Variants in MGRN1 observed in about 807,000 individuals in gnomAD.
MGRN1 encodes E3 ubiquitin-protein ligase MGRN1.
In MGRN1, 29 loss-of-function variants were observed where a neutral mutation model predicts 69.2. The observed-to-expected ratio is 0.42, with a 90% CI of 0.31 to 0.57. MGRN1 has a LOEUF of 0.57. Among genes scored for constraint, MGRN1 ranks in the 20% least tolerant of loss-of-function variants. The pLI, the probability that MGRN1 is intolerant of heterozygous loss-of-function variation, is 0.15. For synonymous variants in MGRN1, 470 were observed against 344.2 expected, an observed-to-expected ratio of 1.37 and a Z score of -4.04; for missense variants, 998 against 796.2, an observed-to-expected ratio of 1.25 and a Z score of -3.05.
chr16:4,640,862 G>A lies in MGRN1; in HGVS notation c.89-9503G>A, dbSNP rs374352232. Among the ~76,000 whole-genome samples the A allele has an allele frequency of 3.9e-5, 6 of 152,354 alleles. No homozygotes were observed. The East Asian group carries it at 9.6e-4, about 24-fold the overall frequency. On this transcript the variant is annotated intron_variant, in intron 1 of 16. Coordinates refer to ENST00000262370, the MANE Select transcript of MGRN1 (RefSeq NM_015246.4). ...TGAGAAACAAGTGGGCTCTGGAGTC[G>A]GGGTGTGCGCCCCAGCTCCACCGCT...
At chr16:4,648,531 C>T (rs1398929183) in intron 1 of MGRN1, among the ~76,000 whole-genome samples, 2 of 126,818 alleles carry the variant, frequency 1.6e-5, no homozygotes, top group Non-Finnish European at 3.2e-5. Context: ...GGGGCTCTTC[C>T]CGTGGTCACC....
At chr16:4,660,963 C>G (rs551786166) in intron 5 of MGRN1, among the ~76,000 whole-genome samples, 3 of 152,284 alleles carry the variant, frequency 2.0e-5, no homozygotes, top group African/African-American at 7.2e-5. Flanking sequence ...ACATGTGCCC[C>G]ACGTCCCTGC....
intron 1 of MGRN1, among the ~76,000 whole-genome samples, chr16:4,648,123 G>A (rs1023608228): frequency 6.6e-6 from 1 of 152,146 alleles, no homozygotes; most frequent in Non-Finnish European, 1.5e-5. Flanking sequence ...GGCCCCCAGT[G>A]GGAATTCTGA....
Position 4,677,559 on chromosome 16 carries a change from A to T in MGRN1, c.1052A>T (p.His351Leu), listed in dbSNP as rs778293287. Residue 351 changes from histidine (H) to leucine (L), a missense_variant, in exon 11 of 17, where the codon CAT (histidine) becomes CTT (leucine). His to Leu is a moderately conservative substitution (Grantham distance 99, BLOSUM62 -3). Transcript: ENST00000262370. ...CCCGTCCTGGCCCAGAGCCTGGAGC[A>T]TGATGAGCACTCTGTAAGTGCCGCC... is the stretch of plus-strand genomic sequence containing the variant. ...FSPVLAQSLE[H>L]DEHSCPFKKS... is the part of the protein sequence containing the mutation. 3.8e-6 allele frequency: 6 copies of T among 1,599,980 alleles called. No homozygotes were observed. Among genetic ancestry groups the T allele is most frequent in the Non-Finnish European group, 5.1e-6 (6 of 1,179,658 alleles).
intron 16 of MGRN1, chr16:4,686,280 C>T (rs901868895): frequency 1.4e-4 from 210 of 1,544,922 alleles, no homozygotes; most frequent in Non-Finnish European, 1.8e-4. Flanking sequence ...GACTCCTGCT[C>T]TGTTGGTATA....
At chr16:4,645,289 C>G (rs181837595) in intron 1 of MGRN1, among the ~76,000 whole-genome samples, 1 of 151,982 alleles carries the variant, frequency 6.6e-6, no homozygotes, top group Non-Finnish European at 1.5e-5. Flanking sequence ...CAGTGAGTGT[C>G]CTGAGTAGCT....
At chr16:4,639,372 G>A (rs1050472731) in intron 1 of MGRN1, among the ~76,000 whole-genome samples, 5 of 152,196 alleles carry the variant, frequency 3.3e-5, no homozygotes, top group African/African-American at 4.8e-5. Context: ...AGCCCAGGCC[G>A]GGAAGGTGGG....
At chr16:4,646,108 G>C (rs944347976) in intron 1 of MGRN1, among the ~76,000 whole-genome samples, 3 of 141,014 alleles carry the variant, frequency 2.1e-5, no homozygotes, top group African/African-American at 6.5e-5. Flanking sequence ...CGGCTCCGTC[G>C]GGGGGCTCTG....
intron 5 of MGRN1, among the ~76,000 whole-genome samples, chr16:4,660,792 G>A (rs893147168): frequency 3.9e-5 from 6 of 152,106 alleles, no homozygotes; most frequent in Non-Finnish European, 8.8e-5. Context: ...GGAGTGGGCA[G>A]GAAACAGGCT....
At chr16:4,658,968 G>A (rs1401282602) in intron 5 of MGRN1, 1 of 152,228 alleles carries the variant, frequency 6.6e-6, no homozygotes, top group African/African-American at 2.4e-5. Context: ...GCGCACTTCA[G>A]CCTGGGTGAC....
chr16:4,637,955 CCCAGCGT>C (rs1310562742), intron 1 of MGRN1, among the ~76,000 whole-genome samples: 1 of 152,212 alleles, frequency 6.6e-6, no homozygotes, highest in African/African-American at 2.4e-5. Context: ...CCCTCCGTGC[CCCAGCGT>C]CTTTGCTTAG....
chr16:4,627,468 A>C (rs1250491141), intron 1 of MGRN1, among the ~76,000 whole-genome samples: 2 of 152,268 alleles, frequency 1.3e-5, no homozygotes, highest in African/African-American at 4.8e-5. Context: ...ACATGATTTG[A>C]TGATTTTTAG....
At chr16:4,669,676 A>G (rs956303391) in intron 8 of MGRN1, among the ~76,000 whole-genome samples, 1 of 152,012 alleles carries the variant, frequency 6.6e-6, no homozygotes. Flanking sequence ...AAAGTCTGCA[A>G]CTCCTTCTCC....
intron 5 of MGRN1, among the ~76,000 whole-genome samples, chr16:4,658,397 G>A (rs1023554311): frequency 6.6e-6 from 1 of 152,106 alleles, no homozygotes; most frequent in South Asian, 2.1e-4. Context: ...TTACCCGGGT[G>A]TGGTGGCGGG....
chr16:4,667,529 T>G (rs573261862), intron 7 of MGRN1, among the ~76,000 whole-genome samples: 1 of 152,254 alleles, frequency 6.6e-6, no homozygotes, highest in South Asian at 2.1e-4. Flanking sequence ...CAAAATGGTC[T>G]ATTCTGTGCT....
In MGRN1 at chr16:4,649,526, TCTTCCCTTGGC is replaced by T. The variant is rs560787912; in HGVS notation, c.89-830_89-820del. 25 of 152,474 alleles carry T rather than the reference TCTTCCCTTGGC, an allele frequency of 1.6e-4. No homozygotes were observed. The East Asian group carries it at 4.6e-3, about 28-fold the overall frequency. 9.4% of individuals were successfully genotyped at this position (152,474 alleles called of 1,614,324 possible). On this transcript the variant is annotated intron_variant, in intron 1 of 16. Coordinates refer to ENST00000262370, the MANE Select transcript of MGRN1 (RefSeq NM_015246.4). ...ATCACTGCAATCTCTTGCCTCCATC[TCTTCCCTTGGC>T]CTTCCCTTCAAGTCTGCGTCCAAAC...
chr16:4,670,820 G>C (rs1035454123), intron 8 of MGRN1, among the ~76,000 whole-genome samples: 96 of 152,376 alleles, frequency 6.3e-4, no homozygotes, highest in African/African-American at 2.1e-3. Context: ...CTGACCAGCA[G>C]GCCCTGGGCT....
At chr16:4,687,733 A>G (rs2141993088) in intron 16 of MGRN1, 2 of 985,462 alleles carry the variant, frequency 2.0e-6, no homozygotes, top group South Asian at 9.4e-5. Context: ...GCCGAGGCCC[A>G]TGCAGCCTGC....
chr16:4,650,626 T>C (rs2078384136), intron 2 of MGRN1, 143 bp downstream of exon 2: 2 of 658,074 alleles, frequency 3.0e-6, no homozygotes, highest in East Asian at 2.9e-5. Flanking sequence ...CCAGTTGAGC[T>C]TGGGTGTGGG....
Sources: allele counts gnomAD v4.1 joint callset (sites outside exome capture counted in the v4.1 genomes callset), GRCh38; gene constraint gnomAD v4.1.1; transcripts MANE v1.5; gene names NCBI Gene and HGNC (gene_info 2026-07-23, HGNC 2026-07-21).